The following ANKS1B variants were observed in gnomAD, a reference collection of about 807,000 sequenced individuals.
ANKS1B encodes the protein ankyrin repeat and sterile alpha motif domain containing 1B.
ANKS1B carries 36 observed loss-of-function variants against 148.3 expected under a neutral mutation model. The ratio of observed to expected loss-of-function variants is 0.24; its 90% CI spans 0.19 to 0.32. The LOEUF is 0.32. Ranked by LOEUF, ANKS1B falls within the 10% of genes least tolerant of loss-of-function variation. The pLI is 1.00. For synonymous variants in ANKS1B, 542 were observed against 560.8 expected (o/e 0.97, Z 0.47); for missense variants, 1,157 against 1,542.6 (o/e 0.75, Z 4.19).
At chr12:99,855,023 G>T (rs2088745570) in intron 1 of ANKS1B, among the ~76,000 whole-genome samples, 1 of 151,526 alleles carries the variant, frequency 6.6e-6, no homozygotes, top group Admixed American at 6.6e-5. Context: ...GCAACAAATA[G>T]CATGATGAAT....
At chr12:98,783,463 A>G (rs1262902417) in intron 22 of ANKS1B, among the ~76,000 whole-genome samples, 1 of 152,226 alleles carries the variant, frequency 6.6e-6, no homozygotes, top group African/African-American at 2.4e-5. Context: ...TACAATTACA[A>G]TGTTGACAAA....
chr12:99,648,414 C>G lies in ANKS1B; in HGVS notation c.1272+6653G>C, dbSNP rs147841911. 4.1e-3 allele frequency: 6,598 copies of G among 1,614,190 alleles called. 33 individuals carry two copies. The highest frequency in any genetic ancestry group is 3.7e-3 in the Non-Finnish European group (4,373 of 1,180,018). The stretch of plus-strand genomic sequence containing the variant: ...GCATCGTTCGCACCAGCCCCTGCCT[C>G]ACACTACCTGATGTCATGCTGCTGG... On this transcript the variant is annotated intron_variant, in intron 9 of 26. Coordinates refer to ENST00000683438, the MANE Select transcript of ANKS1B (RefSeq NM_001352186.2).
intron 14 of ANKS1B, among the ~76,000 whole-genome samples, chr12:99,180,626 G>GTTT (rs11415606): frequency 2.4e-4 from 30 of 126,014 alleles, no homozygotes; most frequent in African/African-American, 4.4e-4. Flanking sequence ...GAGGGAAAGG[G>GTTT]TTTTTTTTTT....
At chr12:99,565,104 T>A (rs952635657) in intron 9 of ANKS1B, among the ~76,000 whole-genome samples, 1 of 152,168 alleles carries the variant, frequency 6.6e-6, no homozygotes, top group Admixed American at 6.5e-5. Flanking sequence ...CAAAAATTAA[T>A]CCCTGTATTA....
At chr12:99,547,481 G>A (rs141000579) in intron 9 of ANKS1B, among the ~76,000 whole-genome samples, 344 of 152,262 alleles carry the variant, frequency 2.3e-3, no homozygotes, top group African/African-American at 8.0e-3. Context: ...CTAGAAAGAA[G>A]TTGGAGGCTG....
At chr12:99,962,799 G>C (rs2095430924) in intron 1 of ANKS1B, among the ~76,000 whole-genome samples, 2 of 149,600 alleles carry the variant, frequency 1.3e-5, no homozygotes, top group Admixed American at 6.6e-5. Context: ...CTAATGATCA[G>C]TGATGTTGAG....
chr12:99,718,179 C>A (rs1253478355), intron 8 of ANKS1B, among the ~76,000 whole-genome samples: 2 of 152,048 alleles, frequency 1.3e-5, no homozygotes, highest in South Asian at 4.1e-4. Flanking sequence ...GGATTACAGG[C>A]GTGAGCCACC....
intron 1 of ANKS1B, among the ~76,000 whole-genome samples, chr12:99,888,968 A>AC (rs2153745880): frequency 1.1e-5 from 1 of 91,950 alleles, no homozygotes; most frequent in African/African-American, 4.5e-5. Flanking sequence ...ACCTTCGCCA[A>AC]AACACACACA....
intron 4 of ANKS1B, among the ~76,000 whole-genome samples, chr12:99,794,359 A>C (rs1304846496): frequency 6.6e-6 from 1 of 151,888 alleles, no homozygotes; most frequent in East Asian, 1.9e-4. Context: ...TTTTGAAGAG[A>C]TATTTACAAT....
At chr12:98,852,216 C>T (rs963469480) in intron 17 of ANKS1B, among the ~76,000 whole-genome samples, 2 of 151,832 alleles carry the variant, frequency 1.3e-5, no homozygotes, top group African/African-American at 4.8e-5. Flanking sequence ...TACTAAATTC[C>T]CAGGGTCCAA....
At chr12:99,510,260 T>C (rs1408983914) in intron 9 of ANKS1B, among the ~76,000 whole-genome samples, 1 of 152,060 alleles carries the variant, frequency 6.6e-6, no homozygotes, top group Non-Finnish European at 1.5e-5. Context: ...CAAGTCTTAT[T>C]ATTTAAGAAA....
intron 13 of ANKS1B, 79 bp from the exon 14 acceptor site, chr12:99,244,493 G>A: frequency 1.0e-6 from 1 of 958,438 alleles, no homozygotes; most frequent in Non-Finnish European, 1.5e-6. Flanking sequence ...TTCAAATGAA[G>A]GGAGCAAATA....
At chr12:99,585,190 T>C (rs550025218) in intron 9 of ANKS1B, among the ~76,000 whole-genome samples, 37 of 152,222 alleles carry the variant, frequency 2.4e-4, no homozygotes, top group Admixed American at 2.1e-3. Flanking sequence ...GGTCCAGGCA[T>C]TGGGTAAATA....
chr12:99,648,514 ATC>A lies in ANKS1B; in HGVS notation c.1272+6551_1272+6552del, dbSNP rs745345294. The A allele has an allele frequency of 8.0e-4, 1,287 of 1,614,100 alleles. 4 individuals are homozygous for A. Among genetic ancestry groups the A allele is most frequent in the Middle Eastern group, 5.4e-3 (33 of 6,060 alleles). Reference sequence around the variant, plus strand: ...GAAAAGAGAAAGTCCGCCTGCAGAGATCTTAGAACTAACCAGGCTGCTTCCCT... The same window carrying A: ...GAAAAGAGAAAGTCCGCCTGCAGAGATTAGAACTAACCAGGCTGCTTCCCT... On this transcript the variant is annotated intron_variant, in intron 9 of 26. Coordinates refer to ENST00000683438, the MANE Select transcript of ANKS1B (RefSeq NM_001352186.2).
intron 22 of ANKS1B, among the ~76,000 whole-genome samples, chr12:98,796,287 C>A (rs894317806): frequency 2.6e-5 from 4 of 152,126 alleles, no homozygotes; most frequent in African/African-American, 7.2e-5. Flanking sequence ...CAGAAAACAT[C>A]TTTTTTTCAA....
At chr12:98,857,135 A>G (rs1260855716) in intron 17 of ANKS1B, among the ~76,000 whole-genome samples, 4 of 152,212 alleles carry the variant, frequency 2.6e-5, no homozygotes, top group Non-Finnish European at 5.9e-5. Flanking sequence ...ATCCTATATG[A>G]AAGGACAACA....
chr12:98,874,821 T>A (rs1389009983), intron 17 of ANKS1B, among the ~76,000 whole-genome samples: 3 of 152,076 alleles, frequency 2.0e-5, no homozygotes, highest in African/African-American at 7.2e-5. Context: ...CAGGAGAAGC[T>A]CCTTGTAATA....
rs575491194 is a variant in ANKS1B, at chr12:99,332,286, A to G, written c.1756+67345T>C. On this transcript the variant is annotated intron_variant, in intron 12 of 26. Coordinates refer to ENST00000683438, the MANE Select transcript of ANKS1B (RefSeq NM_001352186.2). ...AAAGTTTGAGAAGCACTGATCTACA[A>G]CATATACGATGTGCTGTCTAAGACT... 2.6e-5 allele frequency among the ~76,000 whole-genome samples: 4 copies of G among 152,168 alleles called. No individual in the cohort carries two copies. The East Asian group carries it at 7.7e-4, about 29-fold the overall frequency.
intron 1 of ANKS1B, among the ~76,000 whole-genome samples, chr12:99,974,180 C>T (rs1250940283): frequency 6.6e-6 from 1 of 152,226 alleles, no homozygotes; most frequent in Non-Finnish European, 1.5e-5. Context: ...TTACAACTTG[C>T]TGAAGGCTCA....
Sources: gnomAD v4.1 joint callset for allele counts (sites outside exome capture counted in the v4.1 genomes callset) on GRCh38, gnomAD v4.1.1 for gene constraint, MANE v1.5 for transcripts, NCBI Gene and HGNC (gene_info 2026-07-23, HGNC 2026-07-21) for gene names.